The following EBF1 variants were observed in gnomAD, a reference collection of about 807,000 sequenced individuals.
The protein encoded by EBF1 is EBF transcription factor 1, also known as transcription factor COE1.
A neutral mutation model predicts 68.4 loss-of-function variants in EBF1; 10 were observed. The observed-to-expected ratio is 0.15, with a 90% CI of 0.09 to 0.25. The LOEUF (loss-of-function observed/expected upper bound fraction) is 0.25. EBF1 is among the 10% of genes least tolerant of loss of function. The probability of loss-of-function intolerance (pLI) is 1.00; values close to 1 mark genes in which losing one functional copy is unlikely to be tolerated. For missense variants in EBF1, 509 were observed against 794.4 expected, an observed-to-expected ratio of 0.64 and a Z score of 4.32; for synonymous variants, 298 against 299.8, an observed-to-expected ratio of 0.99 and a Z score of 0.06.
At position 159,099,727 on chromosome 5, in the gene EBF1, G is replaced by A; in HGVS notation, c.-249C>T. 1 of 242,326 alleles carries A rather than the reference G, an allele frequency of 4.1e-6. No homozygotes were observed. Among genetic ancestry groups the A allele is most frequent in the Non-Finnish European group, 7.3e-6 (1 of 136,206 alleles). 15.0% of individuals were successfully genotyped at this position (242,326 alleles called of 1,614,324 possible). A position where few individuals can be genotyped will look rare whatever the true frequency, so the allele number is the denominator to read the frequency against. On this transcript the variant is annotated 5_prime_UTR_variant, in exon 1 of 16. Transcript: ENST00000313708. ...GAAGAAAGGGAAAATCCAACGAAAA[G>A]ACCAAAATAATAAAATTAGAGATGT...
At chr5:158,973,464 AACACACACAC>A (rs139768228) in intron 6 of EBF1, among the ~76,000 whole-genome samples, 1 of 149,180 alleles carries the variant, frequency 6.7e-6, no homozygotes, top group African/African-American at 2.5e-5. Flanking sequence ...AGCTCAAACC[AACACACACAC>A]ACACACACAC....
At chr5:158,835,195 C>T (rs1020286020) in intron 7 of EBF1, among the ~76,000 whole-genome samples, 2 of 152,206 alleles carry the variant, frequency 1.3e-5, no homozygotes, top group Non-Finnish European at 2.9e-5. Context: ...CTAATCCTCC[C>T]TGTCTTGGTT....
At chr5:159,044,529 T>C (rs2127787526) in intron 6 of EBF1, among the ~76,000 whole-genome samples, 1 of 152,314 alleles carries the variant, frequency 6.6e-6, no homozygotes, top group East Asian at 1.9e-4. Flanking sequence ...CACTGCATTT[T>C]TAACATATAA....
At chr5:158,977,007 C>T (rs1271512798) in intron 6 of EBF1, among the ~76,000 whole-genome samples, 1 of 152,178 alleles carries the variant, frequency 6.6e-6, no homozygotes, top group East Asian at 1.9e-4. Context: ...AGAAGGAAAT[C>T]TCAGAATCTG....
At chr5:159,066,873 G>A (rs1043243218) in intron 6 of EBF1, among the ~76,000 whole-genome samples, 5 of 152,098 alleles carry the variant, frequency 3.3e-5, no homozygotes, top group African/African-American at 9.7e-5. Context: ...TAGGAGTATT[G>A]AGGTCACTTT....
At chr5:159,086,372 C>A (rs912163383) in intron 4 of EBF1, among the ~76,000 whole-genome samples, 17 of 152,100 alleles carry the variant, frequency 1.1e-4, no homozygotes, top group African/African-American at 4.1e-4. Context: ...AATCTACAGA[C>A]CCTACTGAGA....
chr5:158,877,907 G>C (rs1798098248), intron 6 of EBF1, among the ~76,000 whole-genome samples: 1 of 151,824 alleles, frequency 6.6e-6, no homozygotes, highest in Non-Finnish European at 1.5e-5. Context: ...AGCTTCCAGT[G>C]CCTGCAAAAC....
intron 6 of EBF1, among the ~76,000 whole-genome samples, chr5:159,060,056 A>T (rs910658011): frequency 1.3e-5 from 2 of 152,364 alleles, no homozygotes; most frequent in Admixed American, 6.5e-5. Flanking sequence ...AGAATTTTTT[A>T]AAAATACAAA....
In EBF1 at chr5:158,939,080, T is replaced by C. The variant is rs567449830; in HGVS notation, c.555-98970A>G. On this transcript the variant is annotated intron_variant, in intron 6 of 15. Coordinates refer to ENST00000313708, the MANE Select transcript of EBF1 (RefSeq NM_024007.5). ...CTGTAATTTCAAGACCTGGCACACA[T>C]GTGCTTTTATGCATCTAAATAAATC... is the stretch of plus-strand genomic sequence containing the variant. Among the ~76,000 whole-genome samples the C allele has an allele frequency of 1.7e-4, 26 of 152,332 alleles. 1 individual carries two copies. The South Asian group carries it at 2.7e-3, about 16-fold the overall frequency.
intron 6 of EBF1, among the ~76,000 whole-genome samples, chr5:158,862,719 A>T (rs1795178759): frequency 6.6e-6 from 1 of 152,152 alleles, no homozygotes; most frequent in Non-Finnish European, 1.5e-5. Flanking sequence ...AGTCTGAATG[A>T]AGTTATATCC....
chr5:158,941,188 G>A (rs531707065), intron 6 of EBF1: 62 of 455,992 alleles, frequency 1.4e-4, no homozygotes, highest in African/African-American at 1.2e-3. Context: ...TTTGCTGTGA[G>A]TGAAAGAGAC....
At position 158,714,190 on chromosome 5, in the gene EBF1, G is replaced by A; in HGVS notation, c.1126-8C>T. On this transcript the variant is annotated splice_region_variant and splice_polypyrimidine_tract_variant and intron_variant, in intron 11 of 15. Transcript: ENST00000313708. ...CCTTTTGAGTATTACTTCCTGTCAA[G>A]AGAAAAGCAGATACAATCCTTTGAG... 6.2e-7 allele frequency: 1 copy of A among 1,614,158 alleles called. No homozygotes were observed. The highest frequency in any genetic ancestry group is 8.5e-7 in the Non-Finnish European group (1 of 1,180,004).
In EBF1 at chr5:158,712,316, T is replaced by C. The variant is rs1759560576; in HGVS notation, c.1387A>G (p.Ser463Gly). The change falls in exon 14 of 16, where the codon AGC becomes GGC. Residue 463 changes from serine (S) to glycine (G), a missense_variant. By Grantham distance (56) the Ser-to-Gly change is moderately conservative. Transcript: ENST00000313708. ...ATNQGFTRNS[S>G]SVSPHGYVPS... is the part of the protein sequence containing the mutation. ...ACGTACCCGTGTGGTGATACGCTGC[T>C]TGAGTTGCGGGTGAAACCTGAGGGG... The C allele has an allele frequency of 2.5e-6, 4 of 1,613,818 alleles. No homozygotes were observed. The highest frequency in any genetic ancestry group is 1.3e-5 in the African/African-American group (1 of 74,912).
At chr5:158,938,251 C>T (rs1269429439) in intron 6 of EBF1, among the ~76,000 whole-genome samples, 1 of 151,920 alleles carries the variant, frequency 6.6e-6, no homozygotes, top group African/African-American at 2.4e-5. Context: ...CTTTTTGCTC[C>T]CAGGGGAGAG....
At chr5:159,040,775 T>C (rs1235161643) in intron 6 of EBF1, among the ~76,000 whole-genome samples, 1 of 152,250 alleles carries the variant, frequency 6.6e-6, no homozygotes, top group African/African-American at 2.4e-5. Flanking sequence ...GGTATATCCA[T>C]TAAAAGCAAC....
At chr5:158,771,979 C>A (rs535943488) in intron 10 of EBF1, among the ~76,000 whole-genome samples, 2 of 152,242 alleles carry the variant, frequency 1.3e-5, no homozygotes, top group African/African-American at 4.8e-5. Context: ...GGTGAATCAC[C>A]ATGCCCAAAG....
At chr5:158,879,228 G>A (rs1349028011) in intron 6 of EBF1, among the ~76,000 whole-genome samples, 1 of 152,158 alleles carries the variant, frequency 6.6e-6, no homozygotes, top group African/African-American at 2.4e-5. Flanking sequence ...TGTGATCAAT[G>A]ATCACAATGG....
chr5:158,863,234 C>G (rs555997992), intron 6 of EBF1, among the ~76,000 whole-genome samples: 14 of 152,156 alleles, frequency 9.2e-5, no homozygotes, highest in South Asian at 2.1e-4. Context: ...CATTCCTGGT[C>G]TAAAAAATCT....
intron 11 of EBF1, among the ~76,000 whole-genome samples, chr5:158,728,193 C>G (rs1195248353): frequency 1.3e-5 from 2 of 152,184 alleles, no homozygotes; most frequent in Non-Finnish European, 2.9e-5. Flanking sequence ...CTTTAACATT[C>G]AAAGCCAAGA....
Sources: allele counts gnomAD v4.1 joint callset (sites outside exome capture counted in the v4.1 genomes callset), GRCh38; gene constraint gnomAD v4.1.1; transcripts MANE v1.5; gene names NCBI Gene and HGNC (gene_info 2026-07-23, HGNC 2026-07-21).